BCAS2: variants seen among roughly 807,000 people sequenced by gnomAD.
BCAS2 encodes the protein pre-mRNA-splicing factor SPF27.
Under a neutral mutation model 35.3 loss-of-function variants are expected in BCAS2, and 34 were observed. The observed-to-expected ratio is 0.96, with a 90% CI of 0.73 to 1.28. The LOEUF (loss-of-function observed/expected upper bound fraction) is 1.28. BCAS2 is among the 50% of genes most tolerant of loss of function. The pLI, the probability that BCAS2 is intolerant of heterozygous loss-of-function variation, is 0.00. For missense variants in BCAS2, 221 were observed against 268.1 expected (o/e 0.82, Z 1.23); for synonymous variants, 75 against 91.6 (o/e 0.82, Z 1.03).
At chr1:114,570,138 T>C in intron 5 of BCAS2, 66 bp from the exon 6 acceptor site, 2 of 1,109,720 alleles carry the variant, frequency 1.8e-6, no homozygotes, top group South Asian at 2.6e-5. Context: ...CAGAAAACTC[T>C]ATAACACAAG....
intron 2 of BCAS2, among the ~76,000 whole-genome samples, chr1:114,577,491 C>T (rs1202690360): frequency 2.0e-5 from 3 of 152,258 alleles, no homozygotes; most frequent in South Asian, 4.1e-4. Context: ...CTCAGCCTCC[C>T]GAGTAGCTGG....
In BCAS2 at chr1:114,568,114, CT is replaced by C. The variant is rs1350060238; in HGVS notation, c.*15del. The stretch of plus-strand genomic sequence containing the variant: ...TGTGAAAGCCCAACTTTTCTTCTAC[CT>C]GCTAAATTGTCTTTTCAGAAGTCTT... On this transcript the variant is annotated 3_prime_UTR_variant, in exon 7 of 7. Coordinates refer to ENST00000369541, the MANE Select transcript of BCAS2 (RefSeq NM_005872.3). 4 of 1,611,544 alleles carry C rather than the reference CT, an allele frequency of 2.5e-6. No homozygotes were observed. Among genetic ancestry groups the C allele is most frequent in the Non-Finnish European group, 3.4e-6 (4 of 1,179,798 alleles).
intron 4 of BCAS2, among the ~76,000 whole-genome samples, chr1:114,573,068 C>A (rs145849242): frequency 0.01 from 1,362 of 130,700 alleles, 14 homozygotes; most frequent in Middle Eastern, 0.066. Flanking sequence ...TGTGGCACTG[C>A]AATCTAGCTT....
intron 2 of BCAS2, 115 bp downstream of exon 2, chr1:114,581,184 C>T: frequency 9.9e-7 from 1 of 1,005,448 alleles, no homozygotes; most frequent in Non-Finnish European, 1.6e-6. Context: ...GACACCTATA[C>T]AGTAGGTAAG....
At chr1:114,581,214 G>T in intron 2 of BCAS2, 85 bp downstream of exon 2, 1 of 1,385,164 alleles carries the variant, frequency 7.2e-7, no homozygotes, top group Non-Finnish European at 1.0e-6. Context: ...TGCAGGCAAT[G>T]GTTAAAACTG....
Position 114,569,994 on chromosome 1 carries a change from T to G in BCAS2, c.549A>C (p.Ser183=). 6.2e-7 allele frequency: 1 copy of G among 1,601,888 alleles called. No homozygotes were observed. Among genetic ancestry groups the G allele is most frequent in the Non-Finnish European group, 8.6e-7 (1 of 1,169,218 alleles). ...ATGATGGAATTATAGATACTCACTT[T>G]GACTCCATTTCTCTCAATTTAGATC... is the stretch of plus-strand genomic sequence containing the variant. ...TAGSKLREME[S]NWVSLVSKNY... is the part of the protein sequence containing the mutation. The change falls in exon 6 of 7, where the codon TCA becomes TCC. Residue 183 remains serine (S), a splice_region_variant and synonymous_variant. Transcript: ENST00000369541.
chr1:114,570,594 G>A, intron 5 of BCAS2, 106 bp downstream of exon 5: 1 of 798,012 alleles, frequency 1.3e-6, no homozygotes, highest in South Asian at 1.7e-5. Context: ...TGGATCAATT[G>A]TTTACTTTCA....
At chr1:114,580,049 T>A (rs1435071424) in intron 2 of BCAS2, among the ~76,000 whole-genome samples, 1 of 152,058 alleles carries the variant, frequency 6.6e-6, no homozygotes, top group African/African-American at 2.4e-5. Flanking sequence ...TCCTCCCACC[T>A]TGGCCTCCTG....
intron 6 of BCAS2, among the ~76,000 whole-genome samples, chr1:114,568,510 C>T (rs1398141373): frequency 2.0e-5 from 3 of 151,862 alleles, no homozygotes; most frequent in Non-Finnish European, 2.9e-5. Flanking sequence ...GGATTACAGG[C>T]ACACGCCACC....
chr1:114,570,842 T>A (rs1654624789), intron 4 of BCAS2, 92 bp from the exon 5 acceptor site: 1 of 871,584 alleles, frequency 1.1e-6, no homozygotes, highest in Non-Finnish European at 1.8e-6. Context: ...AAAATCATAT[T>A]TATGGAGCTC....
intron 4 of BCAS2, among the ~76,000 whole-genome samples, chr1:114,572,421 T>G (rs1377624048): frequency 6.6e-6 from 1 of 152,192 alleles, no homozygotes; most frequent in Non-Finnish European, 1.5e-5. Flanking sequence ...TTCTCCCTTC[T>G]CCCACCCTTC....
chr1:114,581,413 AG>A, intron 1 of BCAS2, 22 bp from the exon 2 acceptor site: 1 of 1,614,144 alleles, frequency 6.2e-7, no homozygotes, highest in Non-Finnish European at 8.5e-7. Flanking sequence ...AATAGGGACC[AG>A]GGTAGAAGTG....
At chr1:114,580,414 T>C (rs1464313868) in intron 2 of BCAS2, among the ~76,000 whole-genome samples, 2 of 152,342 alleles carry the variant, frequency 1.3e-5, no homozygotes, top group East Asian at 1.9e-4. Context: ...TTTAAAATAG[T>C]ATCATACTCA....
intron 6 of BCAS2, among the ~76,000 whole-genome samples, chr1:114,568,888 G>T (rs1654584623): frequency 6.7e-6 from 1 of 149,622 alleles, no homozygotes; most frequent in Non-Finnish European, 1.5e-5. Context: ...TCAGCCTCCT[G>T]AAGAGCTTAG....
At chr1:114,575,792 G>A in intron 3 of BCAS2, 41 bp from the exon 4 acceptor site, 1 of 1,595,324 alleles carries the variant, frequency 6.3e-7, no homozygotes, top group South Asian at 1.1e-5. Flanking sequence ...CATCTATACT[G>A]CCAAGCCTTT....
Position 114,569,796 on chromosome 1 carries a change from C to T in BCAS2, c.551+196G>A, listed in dbSNP as rs150761135. 3.9e-4 allele frequency among the ~76,000 whole-genome samples: 60 copies of T among 152,186 alleles called. 1 individual carries two copies. In the East Asian group the frequency reaches 0.011, roughly 27 times the overall value. ...TGGTTCAATTTAGCAAAGGATCCTT[C>T]GCCAATGGTTCAATTCTCGTTTATA... is the stretch of plus-strand genomic sequence containing the variant. On this transcript the variant is annotated intron_variant, in intron 6 of 6. Transcript: ENST00000369541.
chr1:114,568,032 A>C lies in BCAS2; in HGVS notation c.*98T>G. Reference sequence around the variant, plus strand: ...ATGATTTCTAAACACTTAAACATCAATGGTTTTGGGAAGATGCTGTTGTCC... The same window carrying C: ...ATGATTTCTAAACACTTAAACATCACTGGTTTTGGGAAGATGCTGTTGTCC... On this transcript the variant is annotated 3_prime_UTR_variant, in exon 7 of 7. Coordinates refer to ENST00000369541, the MANE Select transcript of BCAS2 (RefSeq NM_005872.3). The C allele has an allele frequency of 6.7e-7, 1 of 1,483,358 alleles. No individual in the cohort carries two copies. 91.9% of individuals were successfully genotyped at this position (1,483,358 alleles called of 1,614,324 possible).
Position 114,567,930 on chromosome 1 carries a change from T to C in BCAS2, c.*200A>G. 3.2e-6 allele frequency: 2 copies of C among 617,840 alleles called. No individual in the cohort carries two copies. The highest frequency in any genetic ancestry group is 5.2e-6 in the Non-Finnish European group (2 of 385,998). The allele number at this position is 617,840 out of a possible 1,614,324, so 38.3% of individuals were successfully genotyped here. On this transcript the variant is annotated 3_prime_UTR_variant, in exon 7 of 7. Coordinates refer to ENST00000369541, the MANE Select transcript of BCAS2 (RefSeq NM_005872.3). ...GCCTAAAGATTTTCTTTTATGGCTA[T>C]AAAAATACCACCAAGCTAGACATTT...
intron 4 of BCAS2, among the ~76,000 whole-genome samples, chr1:114,573,929 C>T (rs140283992): frequency 1.3e-5 from 2 of 152,208 alleles, no homozygotes; most frequent in Non-Finnish European, 2.9e-5. Context: ...TTTTATATAG[C>T]TATGTTTCAG....
Sources: gnomAD v4.1 joint callset for allele counts (sites outside exome capture counted in the v4.1 genomes callset) on GRCh38, gnomAD v4.1.1 for gene constraint, MANE v1.5 for transcripts, NCBI Gene and HGNC (gene_info 2026-07-23, HGNC 2026-07-21) for gene names.